The following PPP1R12B variants were observed in gnomAD, a reference collection of about 807,000 sequenced individuals.
PPP1R12B encodes the protein myosin phosphatase target subunit 2.
PPP1R12B carries 76 observed loss-of-function variants against 126.1 expected under a neutral mutation model. The observed-to-expected ratio is 0.60, with a 90% CI of 0.50 to 0.73. The LOEUF (loss-of-function observed/expected upper bound fraction) is 0.73, where lower values mean the gene tolerates loss of function less well. PPP1R12B is among the 30% of genes least tolerant of loss of function. The probability of loss-of-function intolerance (pLI) is 0.00; values close to 1 mark genes in which losing one functional copy is unlikely to be tolerated. For synonymous variants in PPP1R12B, 356 were observed against 434.7 expected, an observed-to-expected ratio of 0.82 and a Z score of 2.25; for missense variants, 1,052 against 1,205.1, an observed-to-expected ratio of 0.87 and a Z score of 1.88.
At chr1:202,530,466 T>C (rs1683815782) in intron 18 of PPP1R12B, among the ~76,000 whole-genome samples, 1 of 152,240 alleles carries the variant, frequency 6.6e-6, no homozygotes, top group Admixed American at 6.5e-5. Context: ...CTGCTTTTTG[T>C]AAGCCATTGC....
At chr1:202,432,877 C>A (rs1670355382) in intron 8 of PPP1R12B, among the ~76,000 whole-genome samples, 1 of 152,190 alleles carries the variant, frequency 6.6e-6, no homozygotes, top group Non-Finnish European at 1.5e-5. Flanking sequence ...AGATATTTAA[C>A]TTACTCTGTT....
intron 18 of PPP1R12B, among the ~76,000 whole-genome samples, chr1:202,500,983 T>G (rs1367052122): frequency 6.6e-6 from 1 of 152,240 alleles, no homozygotes; most frequent in South Asian, 2.1e-4. Context: ...AGTTTTAGTC[T>G]GAACCCATCT....
intron 18 of PPP1R12B, among the ~76,000 whole-genome samples, chr1:202,555,046 T>G (rs1056295192): frequency 3.9e-5 from 6 of 152,102 alleles, no homozygotes; most frequent in African/African-American, 1.4e-4. Context: ...TTTTTCTGAT[T>G]GCTGCTTGAT....
chr1:202,557,597 G>A (rs1335497272), intron 18 of PPP1R12B, among the ~76,000 whole-genome samples: 2 of 152,084 alleles, frequency 1.3e-5, no homozygotes, highest in Non-Finnish European at 2.9e-5. Context: ...AAAAACCTTC[G>A]TTTAGTCCAG....
At chr1:202,511,941 T>TA (rs2148896197) in intron 18 of PPP1R12B, among the ~76,000 whole-genome samples, 1 of 152,264 alleles carries the variant, frequency 6.6e-6, no homozygotes, top group Non-Finnish European at 1.5e-5. Context: ...ATATTTCTAT[T>TA]AGACATCCAA....
chr1:202,589,710 C>G lies in PPP1R12B; in HGVS notation c.*9150C>G, dbSNP rs1690032441. The stretch of plus-strand genomic sequence containing the variant: ...CCAGGAGACCCTCAGGTGATAAATC[C>G]CAGTCCGTCTGCTGAAAGGCTCATG... On this transcript the variant is annotated 3_prime_UTR_variant, in exon 24 of 24. Coordinates refer to ENST00000608999, the MANE Select transcript of PPP1R12B (RefSeq NM_002481.4). 1 of 152,206 alleles carries G rather than the reference C, an allele frequency of 6.6e-6. No homozygotes were observed. Among genetic ancestry groups the G allele is most frequent in the South Asian group, 2.1e-4 (1 of 4,820 alleles). The allele number at this position is 152,206 out of a possible 1,614,324, so 9.4% of individuals were successfully genotyped here.
Position 202,422,641 on chromosome 1 carries a change from C to T in PPP1R12B, c.444C>T (p.Ala148=). Reference sequence around the variant, plus strand: ...GCAGGTATTTCATTAATCACGGAGCCAGTGTAGGTATTGTCAATAGTGAAG... The same window carrying T: ...GCAGGTATTTCATTAATCACGGAGCTAGTGTAGGTATTGTCAATAGTGAAG... ...NIAEYFINHG[A]SVGIVNSEGE... is the part of the protein sequence containing the mutation. Residue 148 remains alanine (A), a synonymous_variant, in exon 3 of 24, where the codon GCC becomes GCT. Coordinates refer to ENST00000608999, the MANE Select transcript of PPP1R12B (RefSeq NM_002481.4). The T allele has an allele frequency of 1.9e-6, 3 of 1,613,676 alleles. No individual in the cohort carries two copies. The highest frequency in any genetic ancestry group is 1.1e-5 in the South Asian group (1 of 91,062).
At position 202,422,722 on chromosome 1, in the gene PPP1R12B, G is replaced by T. The variant is rs369829139; in HGVS notation, c.525G>T (p.Glu175Asp). 2 of 1,613,762 alleles carry T rather than the reference G, an allele frequency of 1.2e-6. No individual in the cohort carries two copies. Among genetic ancestry groups the T allele is most frequent in the South Asian group, 2.2e-5 (2 of 91,062 alleles). ...CAGCCATGAAGGATCTTCTTCTGGA[G>T]CAAGTAAAGAAGCAAGGTAACCTCA... ...EEPAMKDLLL[E>D]QVKKQGVDLE... Residue 175 changes from glutamate (E) to aspartate (D), a missense_variant, in exon 3 of 24, where the codon GAG (glutamate) becomes GAT (aspartate). Coordinates refer to ENST00000608999, the MANE Select transcript of PPP1R12B (RefSeq NM_002481.4).
chr1:202,436,118 G>T (rs553170880), intron 9 of PPP1R12B, among the ~76,000 whole-genome samples: 81 of 152,046 alleles, frequency 5.3e-4, no homozygotes, highest in African/African-American at 1.8e-3. Context: ...ACATTAGCCA[G>T]GCATGGTGGC....
intron 1 of PPP1R12B, among the ~76,000 whole-genome samples, chr1:202,406,769 G>A (rs1335301311): frequency 6.6e-6 from 1 of 152,124 alleles, no homozygotes; most frequent in African/African-American, 2.4e-5. Context: ...CTGTAAAGGT[G>A]TATCATTCCA....
At chr1:202,573,265 G>A (rs1452345424) in intron 23 of PPP1R12B, among the ~76,000 whole-genome samples, 3 of 152,080 alleles carry the variant, frequency 2.0e-5, no homozygotes, top group East Asian at 1.9e-4. Context: ...AAGATTGCCC[G>A]GTCCTCACCC....
At chr1:202,389,460 CG>C (rs1372357748) in intron 1 of PPP1R12B, among the ~76,000 whole-genome samples, 3 of 150,764 alleles carry the variant, frequency 2.0e-5, no homozygotes, top group Non-Finnish European at 3.0e-5. Flanking sequence ...CTGGCTAACA[CG>C]GTGAAACCCC....
intron 6 of PPP1R12B, 129 bp downstream of exon 6, chr1:202,429,058 A>G (rs1669895224): frequency 2.8e-6 from 2 of 714,018 alleles, no homozygotes; most frequent in Non-Finnish European, 4.4e-6. Context: ...AGAGATGTTA[A>G]TTGTTCACTT....
chr1:202,574,167 CAAAA>C (rs11320060), intron 23 of PPP1R12B, among the ~76,000 whole-genome samples: 2 of 122,338 alleles, frequency 1.6e-5, no homozygotes, highest in Non-Finnish European at 3.5e-5. Context: ...ACATGCCCCA[CAAAA>C]AAAAAAAAAA....
intron 1 of PPP1R12B, among the ~76,000 whole-genome samples, chr1:202,368,337 A>T (rs1388998397): frequency 6.6e-6 from 1 of 152,076 alleles, no homozygotes; most frequent in East Asian, 1.9e-4. Context: ...TCGCCCTGTG[A>T]TGTGCTTGCT....
Position 202,375,427 on chromosome 1 carries a change from C to T in PPP1R12B, c.291+26285C>T, listed in dbSNP as rs538433997. On this transcript the variant is annotated intron_variant, in intron 1 of 23. Transcript: ENST00000608999. ...TCTCAATTATGTCATTTTCTCATCT[C>T]CTAGTCTTAATACATTTCCTTCTCC... 7.2e-5 allele frequency among the ~76,000 whole-genome samples: 11 copies of T among 152,288 alleles called. No homozygotes were observed. The South Asian group carries it at 1.0e-3, about 14-fold the overall frequency.
chr1:202,362,305 A>C (rs1374087437), intron 1 of PPP1R12B, among the ~76,000 whole-genome samples: 1 of 152,138 alleles, frequency 6.6e-6, no homozygotes, highest in African/African-American at 2.4e-5. Flanking sequence ...ATGAAAAATG[A>C]GGTCAAAAGA....
At chr1:202,460,860 A>G (rs1266081664) in intron 13 of PPP1R12B, among the ~76,000 whole-genome samples, 1 of 152,230 alleles carries the variant, frequency 6.6e-6, no homozygotes, top group African/African-American at 2.4e-5. Context: ...TTAGGTAGCA[A>G]AATGACAAGA....
At chr1:202,418,476 T>C (rs1376096769) in intron 2 of PPP1R12B, among the ~76,000 whole-genome samples, 2 of 152,164 alleles carry the variant, frequency 1.3e-5, no homozygotes, top group African/African-American at 4.8e-5. Flanking sequence ...TAATTGCTTT[T>C]TTTTTTTTAC....
Sources: gnomAD v4.1 joint callset for allele counts (sites outside exome capture counted in the v4.1 genomes callset) on GRCh38, gnomAD v4.1.1 for gene constraint, MANE v1.5 for transcripts, NCBI Gene and HGNC (gene_info 2026-07-23, HGNC 2026-07-21) for gene names.